EFCAB11: variants seen among roughly 807,000 people sequenced by gnomAD.
The protein encoded by EFCAB11 is EF-hand calcium binding domain 11.
Under a neutral mutation model 23.0 loss-of-function variants are expected in EFCAB11, and 14 were observed. The observed-to-expected ratio is 0.61, with a 90% CI of 0.40 to 0.95. The LOEUF (loss-of-function observed/expected upper bound fraction) is 0.95, where lower values mean the gene tolerates loss of function less well. Among genes scored for constraint, EFCAB11 ranks in the 40% least tolerant of loss-of-function variants. The pLI is 0.00. For missense variants in EFCAB11, 198 were observed against 195.8 expected, an observed-to-expected ratio of 1.01 and a Z score of -0.07; for synonymous variants, 65 against 66.6, an observed-to-expected ratio of 0.98 and a Z score of 0.11.
intron 5 of EFCAB11, among the ~76,000 whole-genome samples, chr14:89,906,028 T>C (rs1217880718): frequency 6.6e-6 from 1 of 152,144 alleles, no homozygotes; most frequent in Non-Finnish European, 1.5e-5. Context: ...TTCAGCTATT[T>C]AAAGTGTGGG....
At chr14:89,836,668 G>C (rs539293976) in intron 5 of EFCAB11, 1 of 456,620 alleles carries the variant, frequency 2.2e-6, no homozygotes, top group East Asian at 6.9e-5. Flanking sequence ...ACATCTGTCA[G>C]GGTAGAAAGA....
intron 5 of EFCAB11, chr14:89,836,520 T>C (rs1240820961): frequency 4.4e-6 from 2 of 456,470 alleles, no homozygotes; most frequent in South Asian, 1.5e-5. Flanking sequence ...CCACACAGTG[T>C]GTAAGGCTCT....
intron 5 of EFCAB11, among the ~76,000 whole-genome samples, chr14:89,897,457 C>T (rs1889204093): frequency 6.6e-6 from 1 of 152,040 alleles, no homozygotes; most frequent in Admixed American, 6.6e-5. Flanking sequence ...CCACCCACCT[C>T]GGCCTCCCAA....
In EFCAB11 at chr14:89,916,775, C is replaced by T. The variant is rs74490028; in HGVS notation, c.410+14766G>A. Reference sequence around the variant, plus strand: ...CTTGGACAAGAGTCTTGATATCCCACGGCAAGGATTTCTAATTGAAGTCAT... The same window carrying T: ...CTTGGACAAGAGTCTTGATATCCCATGGCAAGGATTTCTAATTGAAGTCAT... On this transcript the variant is annotated intron_variant, in intron 5 of 5. Transcript: ENST00000316738. Among the ~76,000 whole-genome samples the T allele has an allele frequency of 4.0e-3, 611 of 152,274 alleles. 5 individuals carry two copies. The highest frequency in any genetic ancestry group is 0.014 in the African/African-American group (589 of 41,554).
chr14:89,875,742 G>T (rs1888418396), intron 5 of EFCAB11, among the ~76,000 whole-genome samples: 1 of 152,184 alleles, frequency 6.6e-6, no homozygotes. Flanking sequence ...GTTGAAGATG[G>T]GGGTGAGACA....
At chr14:89,935,526 C>T (rs1890550829) in intron 3 of EFCAB11, among the ~76,000 whole-genome samples, 1 of 152,002 alleles carries the variant, frequency 6.6e-6, no homozygotes, top group Admixed American at 6.6e-5. Flanking sequence ...TATCCCCCAC[C>T]TCAGTCTCCC....
intron 5 of EFCAB11, among the ~76,000 whole-genome samples, chr14:89,884,292 T>A (rs1399203339): frequency 6.6e-6 from 1 of 152,192 alleles, no homozygotes; most frequent in African/African-American, 2.4e-5. Context: ...GAGAAAAATA[T>A]GATTATGGCA....
At chr14:89,902,345 T>C (rs1330168042) in intron 5 of EFCAB11, among the ~76,000 whole-genome samples, 2 of 152,186 alleles carry the variant, frequency 1.3e-5, no homozygotes, top group African/African-American at 4.8e-5. Flanking sequence ...CTTGCAGTGT[T>C]TTATCTCTAT....
intron 5 of EFCAB11, among the ~76,000 whole-genome samples, chr14:89,849,551 T>C (rs1000445788): frequency 6.6e-6 from 1 of 151,906 alleles, no homozygotes; most frequent in Non-Finnish European, 1.5e-5. Flanking sequence ...GAGGTTTCTT[T>C]GCTTGTCTGT....
At chr14:89,812,646 C>T (rs1346045967) in intron 5 of EFCAB11, among the ~76,000 whole-genome samples, 1 of 152,090 alleles carries the variant, frequency 6.6e-6, no homozygotes, top group Non-Finnish European at 1.5e-5. Flanking sequence ...TAAAAGGAAT[C>T]AGTACAGCAC....
chr14:89,918,677 T>A (rs977674757), intron 5 of EFCAB11, among the ~76,000 whole-genome samples: 2 of 151,668 alleles, frequency 1.3e-5, no homozygotes, highest in Non-Finnish European at 2.9e-5. Context: ...AGCACAGTAG[T>A]GGGAAAGGTT....
At chr14:89,944,869 T>G (rs1004481021) in intron 3 of EFCAB11, among the ~76,000 whole-genome samples, 2 of 149,478 alleles carry the variant, frequency 1.3e-5, no homozygotes, top group Non-Finnish European at 3.0e-5. Flanking sequence ...ATAAATCTAA[T>G]AAAATATTAG....
intron 5 of EFCAB11, among the ~76,000 whole-genome samples, chr14:89,841,852 A>C (rs112191597): frequency 0.022 from 3,361 of 152,094 alleles, 98 homozygotes; most frequent in African/African-American, 0.07. Flanking sequence ...CTTCAGTTAC[A>C]GTTTGTGTGT....
At chr14:89,894,425 C>T (rs538100679) in intron 5 of EFCAB11, among the ~76,000 whole-genome samples, 6 of 150,674 alleles carry the variant, frequency 4.0e-5, no homozygotes, top group African/African-American at 9.8e-5. Context: ...TTGTCCCCCC[C>T]ACCTCCGCCC....
chr14:89,831,230 C>A (rs948913542), intron 5 of EFCAB11: 1 of 152,158 alleles, frequency 6.6e-6, no homozygotes, highest in African/African-American at 2.4e-5. Flanking sequence ...GCACAAGCAA[C>A]ACAAAGGATG....
At chr14:89,910,960 A>C (rs1156853395) in intron 5 of EFCAB11, among the ~76,000 whole-genome samples, 1 of 152,208 alleles carries the variant, frequency 6.6e-6, no homozygotes, top group African/African-American at 2.4e-5. Flanking sequence ...CGGATGTACA[A>C]AGTACAAACC....
intron 3 of EFCAB11, chr14:89,938,043 G>A (rs1471764887): frequency 6.6e-6 from 1 of 152,078 alleles, no homozygotes; most frequent in Non-Finnish European, 1.5e-5. Flanking sequence ...GTTCCATTAA[G>A]TATAGTTTTT....
At chr14:89,837,658 A>G (rs1887127613) in intron 5 of EFCAB11, among the ~76,000 whole-genome samples, 2 of 152,168 alleles carry the variant, frequency 1.3e-5, no homozygotes, top group Admixed American at 6.5e-5. Flanking sequence ...TAAAAACAAG[A>G]AAGAAAAGTC....
At chr14:89,954,431 T>G (rs1891354296) in intron 1 of EFCAB11, 155 bp downstream of exon 1, 4 of 1,536,840 alleles carry the variant, frequency 2.6e-6, no homozygotes, top group Admixed American at 2.0e-5. Flanking sequence ...CCAGGAGCCC[T>G]GCAGCTCCAG....
Sources: allele counts gnomAD v4.1 joint callset (sites outside exome capture counted in the v4.1 genomes callset), GRCh38; gene constraint gnomAD v4.1.1; transcripts MANE v1.5; gene names NCBI Gene and HGNC (gene_info 2026-07-23, HGNC 2026-07-21).